The following ABLIM2 variants were observed in gnomAD, a reference collection of about 807,000 sequenced individuals.
The protein encoded by ABLIM2 is actin binding LIM protein family member 2, also known as actin-binding LIM protein 2.
A neutral mutation model predicts 97.7 loss-of-function variants in ABLIM2; 53 were observed. That is an observed-to-expected ratio of 0.54 (90% CI 0.44 to 0.68). The LOEUF is 0.68. Ranked by LOEUF, ABLIM2 falls within the 30% of genes least tolerant of loss-of-function variation. The probability of loss-of-function intolerance (pLI) is 0.00; values close to 1 mark genes in which losing one functional copy is unlikely to be tolerated. For missense variants in ABLIM2, 835 were observed against 867.2 expected, an observed-to-expected ratio of 0.96 and a Z score of 0.47; for synonymous variants, 361 against 345.8, an observed-to-expected ratio of 1.04 and a Z score of -0.49.
chr4:8,097,984 G>A (rs1310632742), intron 2 of ABLIM2, among the ~76,000 whole-genome samples: 1 of 152,190 alleles, frequency 6.6e-6, no homozygotes, highest in Non-Finnish European at 1.5e-5. Context: ...GAGGGCTGAG[G>A]GATCTCTGCC....
intron 2 of ABLIM2, among the ~76,000 whole-genome samples, chr4:8,105,686 G>C (rs1837020050): frequency 6.6e-6 from 1 of 152,244 alleles, no homozygotes; most frequent in South Asian, 2.1e-4. Flanking sequence ...GGCAGGCACG[G>C]GGCCGCACAC....
At chr4:8,158,474 C>G (rs1716145905) in intron 1 of ABLIM2, among the ~76,000 whole-genome samples, 1 of 152,186 alleles carries the variant, frequency 6.6e-6, no homozygotes, top group African/African-American at 2.4e-5. Context: ...ATCCCCGGCC[C>G]GCGCCACTGA....
rs566103383 is a variant in ABLIM2 at position 8,133,465 on chromosome 4, G to A, written c.10+25215C>T. On this transcript the variant is annotated intron_variant, in intron 1 of 20. Transcript: ENST00000447017. ...GGTCCATATCTCTCCTGGTAGAGAC[G>A]GGAGGTCCCCACCCCACCCTCATGG... is the stretch of plus-strand genomic sequence containing the variant. Among the ~76,000 whole-genome samples, 301 of 152,260 alleles carry A rather than the reference G, an allele frequency of 2.0e-3. 1 individual carries two copies. In the Middle Eastern group the frequency reaches 0.027, roughly 14 times the overall value.
intron 1 of ABLIM2, among the ~76,000 whole-genome samples, chr4:8,145,703 T>C (rs913692787): frequency 1.3e-5 from 2 of 151,714 alleles, no homozygotes; most frequent in African/African-American, 4.9e-5. Flanking sequence ...ACTCCCTCTC[T>C]TTTATAACCG....
intron 1 of ABLIM2, among the ~76,000 whole-genome samples, chr4:8,134,396 A>G (rs1039938947): frequency 6.6e-6 from 1 of 152,040 alleles, no homozygotes; most frequent in African/African-American, 2.4e-5. Flanking sequence ...CCCAGGCCGG[A>G]AACTGGGCCG....
At position 8,032,932 on chromosome 4, in the gene ABLIM2, C is replaced by G. The variant is rs1173388281; in HGVS notation, c.1048-3156G>C. 6.6e-6 allele frequency among the ~76,000 whole-genome samples: 1 copy of G among 152,198 alleles called. No homozygotes were observed. Among genetic ancestry groups the G allele is most frequent in the Non-Finnish European group, 1.5e-5 (1 of 68,040 alleles). On this transcript the variant is annotated intron_variant, in intron 10 of 20. Transcript: ENST00000447017. The surrounding 1 kb of genome is among the most constrained non-coding windows in gnomAD (Gnocchi z 4.3). ...TGATTTCGTGCCAATGAGCCCAGAG[C>G]TTGTCTCTACCTGGCCACCCCCACG...
In ABLIM2 at chr4:8,127,520, G is replaced by A. The variant is rs1281419944; in HGVS notation, c.11-20883C>T. The A allele has an allele frequency of 2.0e-5, 26 of 1,289,744 alleles. No individual in the cohort carries two copies. The East Asian group carries it at 1.4e-3, about 69-fold the overall frequency. 79.9% of individuals were successfully genotyped at this position (1,289,744 alleles called of 1,614,324 possible). A position where few individuals can be genotyped will look rare whatever the true frequency, so the allele number is the denominator to read the frequency against. The stretch of plus-strand genomic sequence containing the variant: ...CTCACGGCTCCCAGCCGGATGGTCT[G>A]GGCAAAAGCGCAGTTTGGGGATTTA... On this transcript the variant is annotated intron_variant, in intron 1 of 20. Coordinates refer to ENST00000447017, the MANE Select transcript of ABLIM2 (RefSeq NM_001130083.2). This position sits in a 1 kb window ranked among gnomAD's most constrained non-coding sequence, Gnocchi z 7.3.
intron 11 of ABLIM2, 70 bp downstream of exon 11, chr4:8,029,586 T>TAA (rs758188738): frequency 0.13 from 132,423 of 1,015,086 alleles, 2,666 homozygotes; most frequent in African/African-American, 0.23. Flanking sequence ...AAAAAAAAAC[T>TAA]AAAAAAAAAA....
intron 3 of ABLIM2, among the ~76,000 whole-genome samples, chr4:8,094,946 CTCCCTTCCTTTCCCTCCCTCCT>C (rs1577696007): frequency 1.3e-5 from 1 of 78,788 alleles, no homozygotes; most frequent in African/African-American, 3.8e-5. Flanking sequence ...TCTTCCTTTC[CTCCCTTCCTTTCCCTCCCTCCT>C]TCCCTCCCTT....
chr4:8,094,241 G>T (rs753572046), intron 3 of ABLIM2, among the ~76,000 whole-genome samples: 4 of 152,066 alleles, frequency 2.6e-5, no homozygotes, highest in Non-Finnish European at 5.9e-5. Flanking sequence ...CATATTTACA[G>T]TAGCTATTTT....
rs184446699 is a variant in ABLIM2 at position 8,031,567 on chromosome 4, G to A, written c.1048-1791C>T. The stretch of plus-strand genomic sequence containing the variant: ...TGGAGATCCCAGTGGGTGAGCATAG[G>A]CTCTGAGCCGACCGCTGGGCTGAAA... On this transcript the variant is annotated intron_variant, in intron 10 of 20. Coordinates refer to ENST00000447017, the MANE Select transcript of ABLIM2 (RefSeq NM_001130083.2). Among the ~76,000 whole-genome samples, 363 of 152,246 alleles carry A rather than the reference G, an allele frequency of 2.4e-3. 2 individuals are homozygous for A. The highest frequency in any genetic ancestry group is 8.6e-3 in the African/African-American group (358 of 41,550).
chr4:8,056,066 T>C (rs894667167), intron 7 of ABLIM2, among the ~76,000 whole-genome samples: 11 of 131,778 alleles, frequency 8.3e-5, no homozygotes, highest in Non-Finnish European at 1.2e-4. Flanking sequence ...TGAGCTGAGA[T>C]TGCACCATTG....
At chr4:8,040,119 C>G (rs906997246) in intron 9 of ABLIM2, among the ~76,000 whole-genome samples, 2 of 152,068 alleles carry the variant, frequency 1.3e-5, no homozygotes, top group South Asian at 2.1e-4. Flanking sequence ...CAGGGGGAGC[C>G]GGTCTCTTCC....
chr4:8,154,276 C>A (rs1214818045), intron 1 of ABLIM2, among the ~76,000 whole-genome samples: 1 of 82,294 alleles, frequency 1.2e-5, no homozygotes, highest in Non-Finnish European at 2.9e-5. Flanking sequence ...ATTTTCTTTT[C>A]TTTTCTTTTT....
Position 8,019,192 on chromosome 4 carries a change from C to T in ABLIM2, c.1423+426G>A, listed in dbSNP as rs963884719. Among the ~76,000 whole-genome samples, 4 of 152,200 alleles carry T rather than the reference C, an allele frequency of 2.6e-5. No homozygotes were observed. Among genetic ancestry groups the T allele is most frequent in the African/African-American group, 4.8e-5 (2 of 41,460 alleles). Reference sequence around the variant, plus strand: ...TCTCAAAACTCAAGACTAAAGTCTCCCTGAGGAATAAACGACCGATTCAAG... The same window carrying T: ...TCTCAAAACTCAAGACTAAAGTCTCTCTGAGGAATAAACGACCGATTCAAG... On this transcript the variant is annotated intron_variant, in intron 14 of 20. Transcript: ENST00000447017. The surrounding 1 kb of genome is among the most constrained non-coding windows in gnomAD (Gnocchi z 4.3).
rs1762199130 is a variant in ABLIM2 at position 8,007,471 on chromosome 4, G to A, written c.1618+588C>T. 6 of 985,516 alleles carry A rather than the reference G, an allele frequency of 6.1e-6. No individual in the cohort carries two copies. The South Asian group carries it at 2.8e-4, about 46-fold the overall frequency. The allele number at this position is 985,516 out of a possible 1,614,324, so 61.0% of individuals were successfully genotyped here. A position where few individuals can be genotyped will look rare whatever the true frequency, so the allele number is the denominator to read the frequency against. On this transcript the variant is annotated intron_variant, in intron 16 of 20. Transcript: ENST00000447017. ...AGGCACTGAGTGAGCACTTGCTACT[G>A]GTTTTCACCTATGATTTACAGCGGC... is the stretch of plus-strand genomic sequence containing the variant.
intron 16 of ABLIM2, chr4:8,007,531 C>T: frequency 1.0e-6 from 1 of 985,696 alleles, no homozygotes. Context: ...GTTTTCTCTA[C>T]ATTTGAAAAT....
intron 1 of ABLIM2, among the ~76,000 whole-genome samples, chr4:8,145,511 A>G (rs973383098): frequency 3.3e-5 from 5 of 151,926 alleles, no homozygotes; most frequent in Admixed American, 3.3e-4. Context: ...AGACAAATCA[A>G]TCACTCCCTT....
intron 4 of ABLIM2, among the ~76,000 whole-genome samples, chr4:8,081,194 G>A (rs1819601425): frequency 6.6e-6 from 1 of 151,992 alleles, no homozygotes; most frequent in Non-Finnish European, 1.5e-5. Flanking sequence ...GGCCGAGCCA[G>A]CCCCCAGCCC....
Sources: gnomAD v4.1 joint callset for allele counts (sites outside exome capture counted in the v4.1 genomes callset) on GRCh38, gnomAD v4.1.1 for gene constraint, Gnocchi (gnomAD v3.1) non-coding constraint, MANE v1.5 for transcripts, NCBI Gene and HGNC (gene_info 2026-07-23, HGNC 2026-07-21) for gene names.